Variants in VAV2 observed in about 807,000 individuals in gnomAD.
VAV2 encodes the protein vav guanine nucleotide exchange factor 2, also known as guanine nucleotide exchange factor VAV2.
A neutral mutation model predicts 132.5 loss-of-function variants in VAV2; 67 were observed. That is an observed-to-expected ratio of 0.51 (90% confidence interval 0.42 to 0.62). VAV2 has a LOEUF of 0.62. VAV2 is among the 20% of genes least tolerant of loss of function. VAV2 has a pLI of 0.00. For missense variants in VAV2, 938 were observed against 1,153.6 expected (o/e 0.81, Z 2.71); for synonymous variants, 492 against 443.5 (o/e 1.11, Z -1.37).
At chr9:133,862,904 G>A (rs754741802) in intron 2 of VAV2, among the ~76,000 whole-genome samples, 4 of 152,220 alleles carry the variant, frequency 2.6e-5, no homozygotes, top group Non-Finnish European at 4.4e-5. Flanking sequence ...CGGCGGGTTC[G>A]ACCAAGGAGG....
At chr9:133,810,030 G>A (rs369455345) in intron 6 of VAV2, among the ~76,000 whole-genome samples, 161 bp downstream of exon 6, 1 of 151,792 alleles carries the variant, frequency 6.6e-6, no homozygotes, top group African/African-American at 2.4e-5. Context: ...ACAGGACCAC[G>A]GGGGTGCCGA....
intron 1 of VAV2, among the ~76,000 whole-genome samples, chr9:133,945,102 G>C (rs1384656472): frequency 6.6e-6 from 1 of 152,236 alleles, no homozygotes; most frequent in Admixed American, 6.5e-5. Flanking sequence ...GAGGTCAGCT[G>C]GCCTGCCCAA....
intron 2 of VAV2, among the ~76,000 whole-genome samples, chr9:133,908,640 C>T (rs142154762): frequency 0.017 from 2,519 of 152,304 alleles, 27 homozygotes; most frequent in Middle Eastern, 0.024. Context: ...TTGAACCTAA[C>T]GGCCCAGGAA....
intron 2 of VAV2, among the ~76,000 whole-genome samples, chr9:133,913,278 C>T (rs1388215737): frequency 1.3e-5 from 2 of 152,182 alleles, no homozygotes; most frequent in East Asian, 1.9e-4. Flanking sequence ...GATAAAAACA[C>T]GCGTTGCCAC....
At position 133,934,820 on chromosome 9, in the gene VAV2, G is replaced by A. The variant is rs550599878; in HGVS notation, c.321+4283C>T. ...GTCGCGAGAGCCGATGCTCCTAATC[G>A]GCCCCTCTTGTCTGCCTCTACCCGG... On this transcript the variant is annotated intron_variant, in intron 2 of 29. Coordinates refer to ENST00000371850, the MANE Select transcript of VAV2 (RefSeq NM_001134398.2). Among the ~76,000 whole-genome samples, 77 of 152,246 alleles carry A rather than the reference G, an allele frequency of 5.1e-4. No homozygotes were observed. The Middle Eastern group carries it at 0.01, about 20-fold the overall frequency.
intron 1 of VAV2, among the ~76,000 whole-genome samples, chr9:133,970,009 C>G (rs139406492): frequency 7.9e-5 from 12 of 152,152 alleles, no homozygotes; most frequent in African/African-American, 4.8e-5. Context: ...TGCCACCCCC[C>G]AGACGTGCAG....
chr9:133,778,415 A>C (rs1338375642), intron 22 of VAV2, among the ~76,000 whole-genome samples: 7 of 152,178 alleles, frequency 4.6e-5, no homozygotes, highest in Non-Finnish European at 8.8e-5. Flanking sequence ...CAGAAGCCTG[A>C]GGGCCTATGA....
intron 1 of VAV2, among the ~76,000 whole-genome samples, chr9:133,946,968 C>T: frequency 6.6e-6 from 1 of 152,128 alleles, no homozygotes. Flanking sequence ...CACACGGGCT[C>T]AGTATCTGGT....
chr9:133,840,826 G>A lies in VAV2; in HGVS notation c.381-6486C>T, dbSNP rs139740129. 3.8e-3 allele frequency among the ~76,000 whole-genome samples: 578 copies of A among 152,288 alleles called. 1 individual carries two copies. The highest frequency in any genetic ancestry group is 6.3e-3 in the Non-Finnish European group (427 of 68,022). ...GTGAAAATCTGCTAGAAACGATGGC[G>A]TCTGCAGGGCACCACCTGTGCCACT... On this transcript the variant is annotated intron_variant, in intron 3 of 29. Coordinates refer to ENST00000371850, the MANE Select transcript of VAV2 (RefSeq NM_001134398.2). The surrounding 1 kb of genome is among the most constrained non-coding windows in gnomAD (Gnocchi z 4.5).
At chr9:133,798,620 A>AAACCCCAT (rs1246299536) in intron 9 of VAV2, among the ~76,000 whole-genome samples, 3 of 152,126 alleles carry the variant, frequency 2.0e-5, no homozygotes, top group Non-Finnish European at 4.4e-5. Context: ...TTCATCTTTA[A>AAACCCCAT]AACCCCATAA....
intron 1 of VAV2, among the ~76,000 whole-genome samples, chr9:133,980,096 C>T (rs985659140): frequency 3.3e-5 from 5 of 152,196 alleles, no homozygotes; most frequent in South Asian, 2.1e-4. Context: ...GGCCCAGGAC[C>T]GGAAGCCATG....
At chr9:133,784,247 A>G in intron 18 of VAV2, 70 bp downstream of exon 18, 2 of 1,511,284 alleles carry the variant, frequency 1.3e-6, no homozygotes. Context: ...CAGATAGAAC[A>G]CTAAGCTCTC....
chr9:133,929,476 G>A (rs946060428), intron 2 of VAV2, among the ~76,000 whole-genome samples: 1 of 152,152 alleles, frequency 6.6e-6, no homozygotes, highest in Non-Finnish European at 1.5e-5. Context: ...CCTGGCTCAG[G>A]TGGATAGAGT....
intron 15 of VAV2, among the ~76,000 whole-genome samples, chr9:133,787,575 G>C (rs1315335321): frequency 6.6e-6 from 1 of 152,162 alleles, no homozygotes; most frequent in East Asian, 1.9e-4. Flanking sequence ...CTGGAGGCCA[G>C]GGACTGGACT....
intron 3 of VAV2, among the ~76,000 whole-genome samples, chr9:133,842,668 A>C (rs1481098991): frequency 6.6e-6 from 1 of 152,250 alleles, no homozygotes; most frequent in Non-Finnish European, 1.5e-5. Flanking sequence ...AACCAGCTTC[A>C]AAATCAGGCT....
chr9:133,950,360 C>G (rs780836570), intron 1 of VAV2, among the ~76,000 whole-genome samples: 2 of 152,080 alleles, frequency 1.3e-5, no homozygotes, highest in African/African-American at 4.8e-5. Flanking sequence ...AGTCAGACAC[C>G]GAATAAGAGG....
intron 27 of VAV2, 41 bp downstream of exon 27, chr9:133,770,337 C>G: frequency 5.0e-6 from 8 of 1,612,206 alleles, no homozygotes; most frequent in Non-Finnish European, 5.9e-6. Flanking sequence ...GGGCAGACCC[C>G]TCCGAGGAGT....
intron 12 of VAV2, 147 bp downstream of exon 12, chr9:133,795,521 T>G (rs978613827): frequency 4.2e-6 from 4 of 942,426 alleles, no homozygotes; most frequent in South Asian, 1.5e-5. Context: ...TCTCACCCAC[T>G]GCCCTGCCCT....
chr9:133,772,119 C>T (rs1833651937), intron 25 of VAV2, 73 bp from the exon 26 acceptor site: 15 of 1,259,434 alleles, frequency 1.2e-5, no homozygotes, highest in Non-Finnish European at 1.7e-5. Context: ...CAGCCAGGCT[C>T]ATTCTGTGTT....
Sources: gnomAD v4.1 joint callset for allele counts (sites outside exome capture counted in the v4.1 genomes callset) on GRCh38, gnomAD v4.1.1 for gene constraint, Gnocchi (gnomAD v3.1) non-coding constraint, MANE v1.5 for transcripts, NCBI Gene and HGNC (gene_info 2026-07-23, HGNC 2026-07-21) for gene names.